The following ZHX3 variants were observed in gnomAD, a reference collection of about 807,000 sequenced individuals.
The protein encoded by ZHX3 is zinc fingers and homeoboxes 3, also known as zinc fingers and homeoboxes protein 3.
Under a neutral mutation model 64.5 loss-of-function variants are expected in ZHX3, and 20 were observed. The observed-to-expected ratio is 0.31, with a 90% CI of 0.22 to 0.45. The LOEUF (loss-of-function observed/expected upper bound fraction) is 0.45, where lower values mean the gene tolerates loss of function less well. ZHX3 is among the 20% of genes least tolerant of loss of function. The pLI is 1.00. For missense variants in ZHX3, 1,041 were observed against 1,195.8 expected (o/e 0.87, Z 1.91); for synonymous variants, 423 against 461.6 (o/e 0.92, Z 1.07).
chr20:41,213,355 C>G (rs2039299037), intron 2 of ZHX3, among the ~76,000 whole-genome samples: 1 of 152,158 alleles, frequency 6.6e-6, no homozygotes, highest in Admixed American at 6.5e-5. Flanking sequence ...AATTATAGCA[C>G]TCAGTTCTAT....
Position 41,200,682 on chromosome 20 carries a change from C to T in ZHX3, c.2860+1375G>A, listed in dbSNP as rs1054371287. On this transcript the variant is annotated intron_variant, in intron 3 of 3. Transcript: ENST00000683867. This position sits in a 1 kb window ranked among gnomAD's most constrained non-coding sequence, Gnocchi z 4.2. The stretch of plus-strand genomic sequence containing the variant: ...GGCTTTGGGCTCCACCAGGTGTTTG[C>T]TCTCACTGTGGGCTTTGTGGAACTG... 2.2e-4 allele frequency among the ~76,000 whole-genome samples: 33 copies of T among 152,298 alleles called. 1 individual carries two copies. Among genetic ancestry groups the T allele is most frequent in the African/African-American group, 7.9e-4 (33 of 41,562 alleles).
intron 3 of ZHX3, among the ~76,000 whole-genome samples, chr20:41,198,564 G>A (rs564478432): frequency 4.6e-5 from 7 of 151,294 alleles, no homozygotes; most frequent in South Asian, 2.1e-4. Context: ...ATGAGGAATC[G>A]GCTGTTAATC....
Position 41,179,752 on chromosome 20 carries a change from C to T in ZHX3, c.*5439G>A, listed in dbSNP as rs773730151. On this transcript the variant is annotated 3_prime_UTR_variant, in exon 4 of 4. Coordinates refer to ENST00000683867, the MANE Select transcript of ZHX3 (RefSeq NM_001384317.1). This position sits in a 1 kb window ranked among gnomAD's most constrained non-coding sequence, Gnocchi z 4.3. ...TCAAGTGATTCTCCTTCCTCAGCCT[C>T]CTGAGTAGCTGGGATTACAGGCGCG... 3 of 152,078 alleles carry T rather than the reference C, an allele frequency of 2.0e-5. No homozygotes were observed. Among genetic ancestry groups the T allele is most frequent in the Non-Finnish European group, 4.4e-5 (3 of 68,054 alleles). The allele number at this position is 152,078 out of a possible 1,614,324, so 9.4% of individuals were successfully genotyped here.
chr20:41,216,877 C>A (rs1028784782), intron 2 of ZHX3, among the ~76,000 whole-genome samples: 1 of 152,118 alleles, frequency 6.6e-6, no homozygotes, highest in Non-Finnish European at 1.5e-5. Context: ...TATTTTCAGT[C>A]TTTGTTAATT....
intron 2 of ZHX3, among the ~76,000 whole-genome samples, chr20:41,221,143 T>C (rs1568847942): frequency 6.6e-6 from 1 of 152,268 alleles, no homozygotes; most frequent in African/African-American, 2.4e-5. Context: ...CTTCTCTGAA[T>C]GTGCTCTTAT....
chr20:41,248,545 T>G (rs1405612584), intron 2 of ZHX3, among the ~76,000 whole-genome samples: 2 of 152,176 alleles, frequency 1.3e-5, no homozygotes, highest in African/African-American at 4.8e-5. Flanking sequence ...ATATTCCTGT[T>G]TAAAATGTTA....
intron 1 of ZHX3, among the ~76,000 whole-genome samples, chr20:41,307,725 C>T (rs1344659606): frequency 6.6e-6 from 1 of 152,174 alleles, no homozygotes; most frequent in Middle Eastern, 3.2e-3. Context: ...CAAAATTTTA[C>T]TCAAACTTCA....
At chr20:41,189,738 T>C (rs2036843198) in intron 3 of ZHX3, among the ~76,000 whole-genome samples, 1 of 152,128 alleles carries the variant, frequency 6.6e-6, no homozygotes, top group African/African-American at 2.4e-5. Flanking sequence ...TGGTGGAGCA[T>C]TTTTGGTTTT....
chr20:41,239,230 C>T (rs988130283), intron 2 of ZHX3, among the ~76,000 whole-genome samples: 3 of 151,544 alleles, frequency 2.0e-5, no homozygotes, highest in Non-Finnish European at 4.4e-5. Context: ...AGGATGCTCT[C>T]GGTCTCCTGA....
intron 2 of ZHX3, among the ~76,000 whole-genome samples, chr20:41,238,416 G>A (rs963198411): frequency 6.6e-6 from 1 of 152,112 alleles, no homozygotes; most frequent in Admixed American, 6.6e-5. Context: ...GTGAAGGCTG[G>A]AGAAGAGAAG....
rs1242186347 is a variant in ZHX3, at chr20:41,202,042, C to T, written c.2860+15G>A. On this transcript the variant is annotated intron_variant, in intron 3 of 3. Transcript: ENST00000683867. The surrounding 1 kb of genome is among the most constrained non-coding windows in gnomAD (Gnocchi z 7.0). ...TACCCACACAGGATAGCCATGGCCC[C>T]TGTGGACTCCTTACCGAGCTGACGT... The T allele has an allele frequency of 6.4e-7, 1 of 1,574,176 alleles. No individual in the cohort carries two copies. Among genetic ancestry groups the T allele is most frequent in the Non-Finnish European group, 8.6e-7 (1 of 1,159,698 alleles).
intron 2 of ZHX3, among the ~76,000 whole-genome samples, chr20:41,231,662 C>G (rs1246421261): frequency 6.6e-6 from 1 of 152,046 alleles, no homozygotes; most frequent in Admixed American, 6.6e-5. Flanking sequence ...TAGTACAGAG[C>G]CTGACACATG....
At chr20:41,257,612 C>CTTTTT (rs1223401714) in intron 2 of ZHX3, among the ~76,000 whole-genome samples, 7 of 137,824 alleles carry the variant, frequency 5.1e-5, no homozygotes, top group Non-Finnish European at 7.9e-5. Flanking sequence ...TCTTTTCTTT[C>CTTTTT]TTTTTTTTTT....
rs901866224 is a variant in ZHX3 at position 41,181,026 on chromosome 20, G to A, written c.*4165C>T. 1 of 152,268 alleles carries A rather than the reference G, an allele frequency of 6.6e-6. No homozygotes were observed. The highest frequency in any genetic ancestry group is 1.5e-5 in the Non-Finnish European group (1 of 68,080). The allele number at this position is 152,268 out of a possible 1,614,324, so 9.4% of individuals were successfully genotyped here. A position where few individuals can be genotyped will look rare whatever the true frequency, so the allele number is the denominator to read the frequency against. On this transcript the variant is annotated 3_prime_UTR_variant, in exon 4 of 4. Coordinates refer to ENST00000683867, the MANE Select transcript of ZHX3 (RefSeq NM_001384317.1). ...GACAATGGAGCTTTTCTGAGATCAA[G>A]TGCTCCCCAAACTACATGGGAGTAG...
intron 1 of ZHX3, among the ~76,000 whole-genome samples, chr20:41,270,037 T>C (rs2043053154): frequency 6.6e-6 from 1 of 152,198 alleles, no homozygotes; most frequent in Admixed American, 6.5e-5. Flanking sequence ...TGCTATGAGG[T>C]TGATTCTATA....
rs1249364482 is a variant in ZHX3 at position 41,317,628 on chromosome 20, A to ACGC, written c.-367_-365dup. On this transcript the variant is annotated 5_prime_UTR_variant, in exon 1 of 4. Coordinates refer to ENST00000683867, the MANE Select transcript of ZHX3 (RefSeq NM_001384317.1). ...CCCCGCAGAGGCGGCGGCGGCGGCG[A>ACGC]CGCCGGAGCCGCGGACTGCTGAGCG... 1 of 148,924 alleles carries ACGC rather than the reference A, an allele frequency of 6.7e-6. No individual in the cohort carries two copies. Among genetic ancestry groups the ACGC allele is most frequent in the Non-Finnish European group, 1.5e-5 (1 of 66,960 alleles). 9.2% of individuals were successfully genotyped at this position (148,924 alleles called of 1,614,324 possible).
intron 2 of ZHX3, among the ~76,000 whole-genome samples, chr20:41,206,773 C>A (rs1313387559): frequency 6.6e-6 from 1 of 152,156 alleles, no homozygotes; most frequent in Non-Finnish European, 1.5e-5. Flanking sequence ...GGCAGGCCAA[C>A]ATTAAAATTC....
chr20:41,284,451 T>C (rs1054716213), intron 1 of ZHX3, among the ~76,000 whole-genome samples: 1 of 152,148 alleles, frequency 6.6e-6, no homozygotes, highest in Non-Finnish European at 1.5e-5. Context: ...TCATCTCCCT[T>C]AGGCCTGACC....
At chr20:41,207,571 G>C (rs540051873) in intron 2 of ZHX3, among the ~76,000 whole-genome samples, 1 of 152,352 alleles carries the variant, frequency 6.6e-6, no homozygotes, top group East Asian at 1.9e-4. Flanking sequence ...CATGGAAACT[G>C]AACATCCTGC....
Sources: gnomAD v4.1 joint callset for allele counts (sites outside exome capture counted in the v4.1 genomes callset) on GRCh38, gnomAD v4.1.1 for gene constraint, Gnocchi (gnomAD v3.1) non-coding constraint, MANE v1.5 for transcripts, NCBI Gene and HGNC (gene_info 2026-07-23, HGNC 2026-07-21) for gene names.